The following SH3GL3 variants were observed in gnomAD, a reference collection of about 807,000 sequenced individuals.
SH3GL3 encodes SH3 domain containing GRB2 like 3, endophilin A3, also known as endophilin-A3.
Under a neutral mutation model 47.7 loss-of-function variants are expected in SH3GL3, and 33 were observed. The ratio of observed to expected loss-of-function variants is 0.69; its 90% CI spans 0.52 to 0.92. SH3GL3 has a LOEUF of 0.92. SH3GL3 is among the 40% of genes least tolerant of loss of function. The pLI is 0.00. For missense variants in SH3GL3, 363 were observed against 417.8 expected, an observed-to-expected ratio of 0.87 and a Z score of 1.14; for synonymous variants, 155 against 148.8, an observed-to-expected ratio of 1.04 and a Z score of -0.30.
intron 1 of SH3GL3, among the ~76,000 whole-genome samples, chr15:83,534,437 T>G (rs1262392206): frequency 6.6e-6 from 1 of 152,190 alleles, no homozygotes; most frequent in Non-Finnish European, 1.5e-5. Flanking sequence ...TCTTGTTGGC[T>G]TAGGCCGAAA....
At chr15:83,483,244 T>A (rs1487824544) in intron 1 of SH3GL3, among the ~76,000 whole-genome samples, 1 of 152,166 alleles carries the variant, frequency 6.6e-6, no homozygotes, top group Non-Finnish European at 1.5e-5. Flanking sequence ...TTTAGCTTTC[T>A]GAAAGGAAGG....
rs530491635 is a variant in SH3GL3 at position 83,479,033 on chromosome 15, C to CTT, written c.45+31456_45+31457dup. Among the ~76,000 whole-genome samples the CTT allele has an allele frequency of 1.6e-3, 250 of 152,302 alleles. 2 individuals are homozygous for CTT. Among genetic ancestry groups the CTT allele is most frequent in the African/African-American group, 5.9e-3 (245 of 41,558 alleles). The stretch of plus-strand genomic sequence containing the variant: ...AGCAGAACGCCTGCTTGGGTGATGA[C>CTT]TTATGTCTCTCAAATCCTCTCTACC... On this transcript the variant is annotated intron_variant, in intron 1 of 8. Coordinates refer to ENST00000427482, the MANE Select transcript of SH3GL3 (RefSeq NM_003027.5).
intron 1 of SH3GL3, among the ~76,000 whole-genome samples, chr15:83,534,327 T>C (rs988767118): frequency 7.2e-5 from 11 of 152,226 alleles, no homozygotes; most frequent in African/African-American, 2.7e-4. Flanking sequence ...TATTCTGTTA[T>C]AGCAGCAGAA....
intron 1 of SH3GL3, among the ~76,000 whole-genome samples, chr15:83,542,856 C>A (rs913559370): frequency 2.0e-5 from 3 of 151,904 alleles, no homozygotes; most frequent in Admixed American, 6.6e-5. Context: ...GGTTCTAATA[C>A]CTTTCTGATG....
At chr15:83,578,764 G>A (rs1262728953) in intron 6 of SH3GL3, among the ~76,000 whole-genome samples, 1 of 151,794 alleles carries the variant, frequency 6.6e-6, no homozygotes, top group Non-Finnish European at 1.5e-5. Flanking sequence ...TTGTCCCCAA[G>A]CAACAGCGAT....
At chr15:83,463,279 C>T (rs563280531) in intron 1 of SH3GL3, among the ~76,000 whole-genome samples, 2 of 152,296 alleles carry the variant, frequency 1.3e-5, no homozygotes, top group African/African-American at 2.4e-5. Flanking sequence ...ATAAGATGCT[C>T]TTGAAAGAAC....
intron 1 of SH3GL3, among the ~76,000 whole-genome samples, chr15:83,472,158 A>G (rs1332754446): frequency 6.6e-6 from 1 of 152,212 alleles, no homozygotes; most frequent in Non-Finnish European, 1.5e-5. Flanking sequence ...TGCTGGGATT[A>G]CAGGCGTGAG....
chr15:83,521,944 T>G (rs1165200845), intron 1 of SH3GL3, among the ~76,000 whole-genome samples: 1 of 152,198 alleles, frequency 6.6e-6, no homozygotes, highest in African/African-American at 2.4e-5. Context: ...TCATAATATC[T>G]GAGGTCTCAT....
intron 1 of SH3GL3, among the ~76,000 whole-genome samples, chr15:83,509,157 T>C (rs948549520): frequency 4.6e-5 from 7 of 152,238 alleles, no homozygotes; most frequent in Non-Finnish European, 7.3e-5. Flanking sequence ...GGGAATTGCC[T>C]TTGGAACAGG....
intron 5 of SH3GL3, among the ~76,000 whole-genome samples, 155 bp from the exon 6 acceptor site, chr15:83,576,428 C>T (rs1024017909): frequency 6.6e-6 from 1 of 152,180 alleles, no homozygotes; most frequent in Non-Finnish European, 1.5e-5. Context: ...GAGCCTCCAT[C>T]AGGTGCTGAG....
At chr15:83,511,585 G>GTAA (rs562522589) in intron 1 of SH3GL3, among the ~76,000 whole-genome samples, 7 of 152,084 alleles carry the variant, frequency 4.6e-5, no homozygotes, top group African/African-American at 1.4e-4. Flanking sequence ...TTTGTATACG[G>GTAA]TAATAATAAT....
intron 8 of SH3GL3, among the ~76,000 whole-genome samples, chr15:83,613,399 A>T (rs938151289): frequency 2.6e-5 from 4 of 152,224 alleles, no homozygotes; most frequent in Admixed American, 2.6e-4. Context: ...GCAATGTGGC[A>T]GTGGTTCCTT....
the SH3GL3 span, among the ~76,000 whole-genome samples, chr15:83,624,229 A>G: frequency 6.6e-6 from 1 of 152,290 alleles, no homozygotes; most frequent in East Asian, 1.9e-4. Context: ...AGGCAAATAG[A>G]TTGGGTCCCA....
chr15:83,576,345 C>T (rs1369370066), intron 5 of SH3GL3, among the ~76,000 whole-genome samples: 1 of 152,202 alleles, frequency 6.6e-6, no homozygotes, highest in Non-Finnish European at 1.5e-5. Flanking sequence ...TAAAGACACT[C>T]ATTCATTCTA....
chr15:83,490,267 T>G (rs1022950954), intron 1 of SH3GL3, among the ~76,000 whole-genome samples: 2 of 144,802 alleles, frequency 1.4e-5, no homozygotes, highest in African/African-American at 2.7e-5. Flanking sequence ...GATTTTGCGT[T>G]TTTTTTTTTT....
At chr15:83,577,464 G>A (rs185717712) in intron 6 of SH3GL3, among the ~76,000 whole-genome samples, 21 of 152,260 alleles carry the variant, frequency 1.4e-4, no homozygotes, top group Middle Eastern at 3.4e-3. Context: ...GCAGTGGCAC[G>A]ATTGTGACTC....
chr15:83,528,268 A>G (rs1221288004), intron 1 of SH3GL3, among the ~76,000 whole-genome samples: 3 of 152,194 alleles, frequency 2.0e-5, no homozygotes. Context: ...TATGCTACAG[A>G]GAAGACCTTT....
In SH3GL3 at chr15:83,447,420, C is replaced by G. The variant is rs1055300774; in HGVS notation, c.-114C>G. The G allele has an allele frequency of 1.2e-6, 1 of 848,162 alleles. No homozygotes were observed. The highest frequency in any genetic ancestry group is 1.6e-6 in the Non-Finnish European group (1 of 627,544). 52.5% of individuals were successfully genotyped at this position (848,162 alleles called of 1,614,324 possible). On this transcript the variant is annotated 5_prime_UTR_variant, in exon 1 of 9. Transcript: ENST00000427482. This position sits in a 1 kb window ranked among gnomAD's most constrained non-coding sequence, Gnocchi z 5.1. ...TGGCCGTGGCCGTGGGAGGCGGGCC[C>G]GGCGGAGCCCAGCCGCGGGGGGACC... is the stretch of plus-strand genomic sequence containing the variant.
intron 1 of SH3GL3, among the ~76,000 whole-genome samples, chr15:83,542,911 C>T (rs548022280): frequency 3.3e-4 from 50 of 152,168 alleles, no homozygotes; most frequent in African/African-American, 1.2e-3. Flanking sequence ...TATTTGCAAA[C>T]AAGGATAATT....
Sources: gnomAD v4.1 joint callset for allele counts (sites outside exome capture counted in the v4.1 genomes callset) on GRCh38, gnomAD v4.1.1 for gene constraint, Gnocchi (gnomAD v3.1) non-coding constraint, MANE v1.5 for transcripts, NCBI Gene and HGNC (gene_info 2026-07-23, HGNC 2026-07-21) for gene names.